Variants in ABRAXAS2 observed in about 807,000 individuals in gnomAD.
The protein encoded by ABRAXAS2 is abraxas 2, BRISC complex subunit.
ABRAXAS2 carries 23 observed loss-of-function variants against 49.0 expected under a neutral mutation model. That is an observed-to-expected ratio of 0.47 (90% CI 0.34 to 0.66). ABRAXAS2 has a LOEUF of 0.66. Ranked by LOEUF, ABRAXAS2 falls within the 30% of genes least tolerant of loss-of-function variation. The pLI, the probability that ABRAXAS2 is intolerant of heterozygous loss-of-function variation, is 0.01. For missense variants in ABRAXAS2, 443 were observed against 511.9 expected (o/e 0.87, Z 1.30); for synonymous variants, 168 against 180.2 (o/e 0.93, Z 0.54).
chr10:124,834,514 C>A lies in ABRAXAS2; in HGVS notation c.791C>A (p.Ala264Glu), dbSNP rs867972530. 1 of 1,611,882 alleles carries A rather than the reference C, an allele frequency of 6.2e-7. No homozygotes were observed. The highest frequency in any genetic ancestry group is 8.5e-7 in the Non-Finnish European group (1 of 1,178,506). The change falls in exon 9 of 9, where the codon GCA (alanine) becomes GAA (glutamate). Residue 264 changes from alanine to glutamate, a missense_variant. By Grantham distance (107) the Ala-to-Glu change is moderately radical (BLOSUM62 -1). This residue lies in a region of ABRAXAS2 where 230 missense variants were observed against 237.0 expected (regional missense o/e 0.97). Transcript: ENST00000298492. ...TGTTTTCATCCAGGATTGCAGCAGG[C>A]AGTGTTAAGCAGACAGATGCCGTCT... ...EKEQERRLQQ[A>E]VLSRQMPSES...
intron 1 of ABRAXAS2, among the ~76,000 whole-genome samples, chr10:124,805,789 G>T (rs1273208958): frequency 6.6e-5 from 10 of 152,196 alleles, no homozygotes; most frequent in Non-Finnish European, 1.2e-4. Flanking sequence ...TGAAGGAAAG[G>T]AGTAAGCCGT....
chr10:124,806,987 T>C, intron 2 of ABRAXAS2, 66 bp downstream of exon 2: 1 of 1,252,682 alleles, frequency 8.0e-7, no homozygotes, highest in South Asian at 1.3e-5. Context: ...TTTGTTTTGT[T>C]GTTTTGCCCT....
At chr10:124,802,301 G>A (rs1950710769) in intron 1 of ABRAXAS2, among the ~76,000 whole-genome samples, 1 of 152,200 alleles carries the variant, frequency 6.6e-6, no homozygotes, top group African/African-American at 2.4e-5. Context: ...TAGTCCAGTA[G>A]GCGAGGTACT....
intron 4 of ABRAXAS2, among the ~76,000 whole-genome samples, chr10:124,824,722 G>A (rs1950886613): frequency 6.6e-6 from 1 of 152,194 alleles, no homozygotes; most frequent in African/African-American, 2.4e-5. Flanking sequence ...GAAGGCAGGG[G>A]AAGTGCAGGG....
At chr10:124,826,537 G>A (rs1466306563) in intron 4 of ABRAXAS2, 58 bp from the exon 5 acceptor site, 1 of 1,528,868 alleles carries the variant, frequency 6.5e-7, no homozygotes, top group Non-Finnish European at 9.0e-7. Flanking sequence ...TGTTTGTATG[G>A]ATACATTCAG....
chr10:124,817,209 A>G (rs80109373), intron 3 of ABRAXAS2, among the ~76,000 whole-genome samples: 71 of 152,340 alleles, frequency 4.7e-4, no homozygotes, highest in Admixed American at 8.5e-4. Context: ...GGGTAACTGA[A>G]ACTGGAAAGT....
chr10:124,829,389 C>T lies in ABRAXAS2; in HGVS notation c.579-4C>T. ...GAGGCATCTTTTTTCTGTTTGTCTT[C>T]CAGTACTGACTTTTTTGACAAGGAT... On this transcript the variant is annotated splice_polypyrimidine_tract_variant and splice_region_variant and intron_variant, in intron 6 of 8. Coordinates refer to ENST00000298492, the MANE Select transcript of ABRAXAS2 (RefSeq NM_032182.4). 1 of 1,600,172 alleles carries T rather than the reference C, an allele frequency of 6.2e-7. No homozygotes were observed. Among genetic ancestry groups the T allele is most frequent in the Non-Finnish European group, 8.5e-7 (1 of 1,169,826 alleles).
intron 7 of ABRAXAS2, among the ~76,000 whole-genome samples, chr10:124,830,612 C>T (rs1334726358): frequency 6.6e-6 from 1 of 152,180 alleles, no homozygotes; most frequent in African/African-American, 2.4e-5. Context: ...GTGCACCTAC[C>T]AGAATAGGGA....
rs1950707211 is a variant in ABRAXAS2 at position 124,801,888 on chromosome 10, G to A, written c.59G>A (p.Ser20Asn). Residue 20 changes from serine (S) to asparagine (N), a missense_variant, in exon 1 of 9, where the codon AGC (serine) becomes AAC (asparagine). By Grantham distance (46) the Ser-to-Asn change is conservative (BLOSUM62 1). Transcript: ENST00000298492. ...FSAVCFHSAN[S>N]NADHEGFLLG... ...GCTGTGTGTTTCCACAGCGCCAACA[G>A]CAACGCGGACCACGTAGGTGCCGGG... 1 of 1,612,950 alleles carries A rather than the reference G, an allele frequency of 6.2e-7. No homozygotes were observed.
chr10:124,803,861 A>G (rs1950722881), intron 1 of ABRAXAS2, among the ~76,000 whole-genome samples: 2 of 152,216 alleles, frequency 1.3e-5, no homozygotes, highest in Non-Finnish European at 2.9e-5. Flanking sequence ...AGATCGCGCC[A>G]TTGCACTCCA....
At chr10:124,807,507 G>A (rs1346823225) in intron 2 of ABRAXAS2, among the ~76,000 whole-genome samples, 1 of 151,152 alleles carries the variant, frequency 6.6e-6, no homozygotes, top group Non-Finnish European at 1.5e-5. Flanking sequence ...ACAAAAATTA[G>A]CCGGGCGTGG....
At chr10:124,816,700 T>C in intron 3 of ABRAXAS2, 88 bp downstream of exon 3, 1 of 904,904 alleles carries the variant, frequency 1.1e-6, no homozygotes, top group Non-Finnish European at 1.8e-6. Context: ...TGATTGTGGC[T>C]GTAAAGTCAT....
chr10:124,836,024 A>G lies in ABRAXAS2; in HGVS notation c.*1053A>G, dbSNP rs1950966630. On this transcript the variant is annotated 3_prime_UTR_variant, in exon 9 of 9. Coordinates refer to ENST00000298492, the MANE Select transcript of ABRAXAS2 (RefSeq NM_032182.4). ...GTAGAGACTCTCTTGGGATGCACTTATATTTTTATTTAATGACTACTTGTT... is the reference window on the plus strand; with the variant it reads ...GTAGAGACTCTCTTGGGATGCACTTGTATTTTTATTTAATGACTACTTGTT... 6.6e-6 allele frequency: 1 copy of G among 152,438 alleles called. No individual in the cohort carries two copies. Among genetic ancestry groups the G allele is most frequent in the African/African-American group, 2.4e-5 (1 of 41,374 alleles). The allele number at this position is 152,438 out of a possible 1,614,324, so 9.4% of individuals were successfully genotyped here.
rs566079494 is a variant in ABRAXAS2 at position 124,816,060 on chromosome 10, G to A, written c.164-516G>A. 6.9e-4 allele frequency among the ~76,000 whole-genome samples: 105 copies of A among 151,890 alleles called. 3 individuals are homozygous for A. In the South Asian group the frequency reaches 0.021, roughly 30 times the overall value. ...TGAGATTACAGGCGCCCGCCACCAC[G>A]CCCAGCTAATTTTTGTATTTTTAGT... On this transcript the variant is annotated intron_variant, in intron 2 of 8. Transcript: ENST00000298492.
intron 1 of ABRAXAS2, 63 bp from the exon 2 acceptor site, chr10:124,806,768 C>T (rs1354723647): frequency 6.2e-6 from 7 of 1,125,166 alleles, no homozygotes; most frequent in Non-Finnish European, 9.2e-6. Context: ...CTCAATTCCT[C>T]TTAATTTCAG....
chr10:124,803,321 C>A (rs1033701125), intron 1 of ABRAXAS2, among the ~76,000 whole-genome samples: 2 of 152,166 alleles, frequency 1.3e-5, no homozygotes, highest in African/African-American at 4.8e-5. Context: ...TTTATATGAC[C>A]ATGCCTGTTT....
chr10:124,834,846 A>G lies in ABRAXAS2; in HGVS notation c.1123A>G (p.Ser375Gly). The G allele has an allele frequency of 6.2e-7, 1 of 1,614,178 alleles. No individual in the cohort carries two copies. Among genetic ancestry groups the G allele is most frequent in the Non-Finnish European group, 8.5e-7 (1 of 1,180,014 alleles). Reference protein sequence around the residue: ...AGDSGEDSDDSDYENLIDPTE... With the variant: ...AGDSGEDSDDGDYENLIDPTE... Reference sequence around the variant, plus strand: ...AGACAGTGGTGAGGATTCAGACGACAGTGATTATGAAAATTTGATTGACCC... The same window carrying G: ...AGACAGTGGTGAGGATTCAGACGACGGTGATTATGAAAATTTGATTGACCC... The change falls in exon 9 of 9, where the codon AGT (serine) becomes GGT (glycine). Residue 375 changes from serine to glycine, a missense_variant. By Grantham distance (56) the Ser-to-Gly change is moderately conservative. Transcript: ENST00000298492.
chr10:124,805,800 G>GT (rs1224119880), intron 1 of ABRAXAS2, among the ~76,000 whole-genome samples: 2 of 152,166 alleles, frequency 1.3e-5, no homozygotes, highest in Non-Finnish European at 2.9e-5. Context: ...AGTAAGCCGT[G>GT]TGATATCTGG....
chr10:124,819,294 T>C lies in ABRAXAS2; in HGVS notation c.201-90T>C. ...CTGTGTAAGGTGAGAAGTTAGGTCT[T>C]CATTAGGGTTACCACAGGCATATGC... is the stretch of plus-strand genomic sequence containing the variant. On this transcript the variant is annotated intron_variant, in intron 3 of 8. Transcript: ENST00000298492. 3.0e-6 allele frequency: 3 copies of C among 988,142 alleles called. No individual in the cohort carries two copies. The South Asian group carries it at 3.9e-5, about 13-fold the overall frequency. 61.2% of individuals were successfully genotyped at this position (988,142 alleles called of 1,614,324 possible). A position where few individuals can be genotyped will look rare whatever the true frequency, so the allele number is the denominator to read the frequency against.
Sources: allele counts gnomAD v4.1 joint callset (sites outside exome capture counted in the v4.1 genomes callset), GRCh38; gene constraint gnomAD v4.1.1; regional missense constraint gnomAD v4.1.1; transcripts MANE v1.5; gene names NCBI Gene and HGNC (gene_info 2026-07-23, HGNC 2026-07-21).